The following GLIS1 variants were observed in gnomAD, a reference collection of about 807,000 sequenced individuals.
The protein encoded by GLIS1 is GLIS family zinc finger 1.
In GLIS1, 24 loss-of-function variants were observed where a neutral mutation model predicts 63.8. That is an observed-to-expected ratio of 0.38 (90% CI 0.27 to 0.53). The LOEUF (loss-of-function observed/expected upper bound fraction) is 0.53, where lower values mean the gene tolerates loss of function less well. Ranked by LOEUF, GLIS1 falls within the 20% of genes least tolerant of loss-of-function variation. The pLI, the probability that GLIS1 is intolerant of heterozygous loss-of-function variation, is 0.85. For synonymous variants in GLIS1, 450 were observed against 482.5 expected, an observed-to-expected ratio of 0.93 and a Z score of 0.88; for missense variants, 1,036 against 1,074.1, an observed-to-expected ratio of 0.96 and a Z score of 0.50.
intron 4 of GLIS1, among the ~76,000 whole-genome samples, chr1:53,588,829 G>A (rs1645161466): frequency 1.3e-5 from 2 of 152,220 alleles, no homozygotes; most frequent in Non-Finnish European, 1.5e-5. Flanking sequence ...GCTGAGGCAG[G>A]TCATACAGAG....
intron 3 of GLIS1, among the ~76,000 whole-genome samples, chr1:53,595,256 C>A (rs1645243154): frequency 6.6e-6 from 1 of 152,026 alleles, no homozygotes. Context: ...ATGGCTCATG[C>A]CTATAATCCC....
At chr1:53,697,158 C>T (rs779851004) in intron 2 of GLIS1, among the ~76,000 whole-genome samples, 20 of 152,146 alleles carry the variant, frequency 1.3e-4, no homozygotes, top group Non-Finnish European at 2.9e-5. Context: ...AGTGGGAAGA[C>T]GGTCACAGCA....
At chr1:53,544,851 C>G (rs903557176) in intron 4 of GLIS1, among the ~76,000 whole-genome samples, 1 of 152,186 alleles carries the variant, frequency 6.6e-6, no homozygotes, top group African/African-American at 2.4e-5. Flanking sequence ...CACCCTAGCC[C>G]AGGGGTAAAT....
intron 2 of GLIS1, among the ~76,000 whole-genome samples, chr1:53,733,256 G>A (rs1431593845): frequency 2.6e-5 from 4 of 152,212 alleles, no homozygotes; most frequent in African/African-American, 9.6e-5. Context: ...ATGAAACGCA[G>A]GGAGATGAGT....
At chr1:53,640,633 T>C (rs1645777029) in intron 2 of GLIS1, among the ~76,000 whole-genome samples, 1 of 152,210 alleles carries the variant, frequency 6.6e-6, no homozygotes, top group Admixed American at 6.5e-5. Context: ...TCACTTGGAC[T>C]GTCCTCCACT....
chr1:53,551,303 T>C (rs975918760), intron 4 of GLIS1, among the ~76,000 whole-genome samples: 11 of 152,222 alleles, frequency 7.2e-5, no homozygotes, highest in African/African-American at 2.7e-4. Flanking sequence ...TTATGCCACA[T>C]TTATACAAAG....
intron 4 of GLIS1, among the ~76,000 whole-genome samples, chr1:53,556,187 T>TTG (rs948802453): frequency 1.3e-4 from 12 of 89,078 alleles, no homozygotes; most frequent in Non-Finnish European, 2.2e-4. Flanking sequence ...TACTGTAGGT[T>TTG]TGTGTGTGTG....
At chr1:53,716,508 TG>T in intron 2 of GLIS1, among the ~76,000 whole-genome samples, 1 of 152,034 alleles carries the variant, frequency 6.6e-6, no homozygotes, top group Admixed American at 6.6e-5. Context: ...TCAGATGAAA[TG>T]AATGGAAAAC....
intron 2 of GLIS1, among the ~76,000 whole-genome samples, chr1:53,718,790 T>C (rs1243623810): frequency 6.6e-6 from 1 of 152,208 alleles, no homozygotes; most frequent in Admixed American, 6.5e-5. Context: ...AGACACTTTT[T>C]AGTCCCAAGA....
chr1:53,640,752 C>G (rs1161884010), intron 2 of GLIS1, among the ~76,000 whole-genome samples: 1 of 152,192 alleles, frequency 6.6e-6, no homozygotes, highest in Admixed American at 6.5e-5. Flanking sequence ...ATTTAAAACC[C>G]AGGCAGTAGT....
chr1:53,705,039 C>T (rs76312166), intron 2 of GLIS1, among the ~76,000 whole-genome samples: 2,387 of 152,304 alleles, frequency 0.016, 60 homozygotes, highest in African/African-American at 0.051. Context: ...CAACACGTAC[C>T]TAACAGCATT....
chr1:53,584,442 C>T (rs1466728570), intron 4 of GLIS1, among the ~76,000 whole-genome samples: 2 of 152,210 alleles, frequency 1.3e-5, no homozygotes. Flanking sequence ...AGTGCCCACC[C>T]ACCTGTCAGA....
At position 53,526,526 on chromosome 1, in the gene GLIS1, T is replaced by TACAC. The variant is rs112780974; in HGVS notation, c.1483-1643_1483-1640dup. Reference sequence around the variant, plus strand: ...GGTAGGCTCCCTCTCTCACACACCATACACACACACACACACACACACACA... The same window carrying TACAC: ...GGTAGGCTCCCTCTCTCACACACCATACACACACACACACACACACACACACACA... On this transcript the variant is annotated intron_variant, in intron 5 of 10. Coordinates refer to ENST00000628545, the MANE Select transcript of GLIS1 (RefSeq NM_001367484.1). This position sits in a 1 kb window ranked among gnomAD's most constrained non-coding sequence, Gnocchi z 4.4. 0.06 allele frequency among the ~76,000 whole-genome samples: 8,727 copies of TACAC among 144,984 alleles called. 828 individuals are homozygous for TACAC. Among genetic ancestry groups the TACAC allele is most frequent in the African/African-American group, 0.21 (8,194 of 39,848 alleles).
rs11206169 is a variant in GLIS1 at position 53,539,387 on chromosome 1, C to T, written c.1321-9435G>A. On this transcript the variant is annotated intron_variant, in intron 4 of 10. Transcript: ENST00000628545. The surrounding 1 kb of genome is among the most constrained non-coding windows in gnomAD (Gnocchi z 5.0). ...TAACACACCCACACATATCATACCACACACACACTCCACAGCACATGAATG... is the reference window on the plus strand; with the variant it reads ...TAACACACCCACACATATCATACCATACACACACTCCACAGCACATGAATG... 0.37 allele frequency among the ~76,000 whole-genome samples: 55,343 copies of T among 151,106 alleles called. 10,305 individuals are homozygous for T. The highest frequency in any genetic ancestry group is 0.4 in the Admixed American group (6,064 of 15,182).
chr1:53,738,002 G>A lies in GLIS1; in HGVS notation c.63C>T (p.Pro21=), dbSNP rs1646929734. 10 of 1,230,502 alleles carry A rather than the reference G, an allele frequency of 8.1e-6. No homozygotes were observed. The highest frequency in any genetic ancestry group is 1.6e-5 in the African/African-American group (1 of 64,324). The allele number at this position is 1,230,502 out of a possible 1,614,324, so 76.2% of individuals were successfully genotyped here. The part of the protein sequence containing the change: ...DKRPKEAPGA[P]GPDRGPASLG... The stretch of plus-strand genomic sequence containing the variant: ...GGCTGGCGGGGCCGCGGTCGGGGCC[G>A]GGCGCACCAGGGGCCTCCTTAGGCC... The change falls in exon 2 of 11, where the codon CCC becomes CCT. Residue 21 remains proline (P), a synonymous_variant. Transcript: ENST00000628545.
chr1:53,552,332 G>A (rs1238436418), intron 4 of GLIS1, among the ~76,000 whole-genome samples: 4 of 151,104 alleles, frequency 2.6e-5, no homozygotes, highest in Admixed American at 2.6e-4. Flanking sequence ...CTGCTCCTGT[G>A]CCTGGGCCAG....
intron 4 of GLIS1, among the ~76,000 whole-genome samples, chr1:53,551,446 T>G (rs1026100035): frequency 1.4e-4 from 21 of 152,136 alleles, no homozygotes; most frequent in Admixed American, 1.4e-3. Context: ...GGGGGGTCCC[T>G]CAGCCTCTGC....
intron 2 of GLIS1, among the ~76,000 whole-genome samples, chr1:53,729,712 G>A (rs928259185): frequency 7.2e-5 from 11 of 152,130 alleles, no homozygotes; most frequent in African/African-American, 2.2e-4. Context: ...AACCTTCTTC[G>A]AGATACTTGA....
chr1:53,594,038 T>G (rs185823869), intron 4 of GLIS1, 70 bp downstream of exon 4: 1 of 1,511,876 alleles, frequency 6.6e-7, no homozygotes, highest in Non-Finnish European at 8.9e-7. Flanking sequence ...CGGCCTCTCC[T>G]GGGGCACTGG....
Sources: allele counts gnomAD v4.1 joint callset (sites outside exome capture counted in the v4.1 genomes callset), GRCh38; gene constraint gnomAD v4.1.1; non-coding constraint Gnocchi (gnomAD v3.1); transcripts MANE v1.5; gene names NCBI Gene and HGNC (gene_info 2026-07-23, HGNC 2026-07-21).